Variants in VPS13B observed in about 807,000 individuals in gnomAD.
VPS13B encodes vacuolar protein sorting 13 homolog B, also known as intermembrane lipid transfer protein VPS13B.
Under a neutral mutation model 426.4 loss-of-function variants are expected in VPS13B, and 285 were observed. The observed-to-expected ratio is 0.67, with a 90% CI of 0.61 to 0.74. VPS13B has a LOEUF of 0.74. Among genes scored for constraint, VPS13B ranks in the 30% least tolerant of loss-of-function variants. The probability of loss-of-function intolerance (pLI) is 0.00; values close to 1 mark genes in which losing one functional copy is unlikely to be tolerated. For missense variants in VPS13B, 4,537 were observed against 4,782.6 expected, an observed-to-expected ratio of 0.95 and a Z score of 1.51; for synonymous variants, 1,676 against 1,676.4, an observed-to-expected ratio of 1.00 and a Z score of 0.01.
At chr8:99,211,243 T>C (rs1815073973) in intron 17 of VPS13B, among the ~76,000 whole-genome samples, 1 of 152,188 alleles carries the variant, frequency 6.6e-6, no homozygotes, top group African/African-American at 2.4e-5. Flanking sequence ...TGGCAGTCAC[T>C]CTACTTACAC....
At chr8:99,365,467 CATT>C (rs975415573) in intron 19 of VPS13B, among the ~76,000 whole-genome samples, 7 of 147,886 alleles carry the variant, frequency 4.7e-5, no homozygotes, top group African/African-American at 1.7e-4. Context: ...ATGCTGTTTC[CATT>C]ATTATTTGTT....
chr8:99,310,587 G>A (rs576108879), intron 19 of VPS13B, among the ~76,000 whole-genome samples: 76 of 152,298 alleles, frequency 5.0e-4, no homozygotes, highest in African/African-American at 1.8e-3. Context: ...GATTCGGTTT[G>A]CCAGTATTTT....
intron 19 of VPS13B, among the ~76,000 whole-genome samples, chr8:99,296,504 A>T (rs916757152): frequency 6.6e-6 from 1 of 152,166 alleles, no homozygotes; most frequent in East Asian, 1.9e-4. Flanking sequence ...ATTTGAATGA[A>T]TTTTTCTAGT....
At position 99,310,302 on chromosome 8, in the gene VPS13B, T is replaced by G. The variant is rs1820883415; in HGVS notation, c.2824+35048T>G. On this transcript the variant is annotated intron_variant, in intron 19 of 61. Transcript: ENST00000357162. ...GCTTCCAGTTTTTGCCCATTCAGTATGATATTGGCTGTGCATTTGTCATAA... is the reference window on the plus strand; with the variant it reads ...GCTTCCAGTTTTTGCCCATTCAGTAGGATATTGGCTGTGCATTTGTCATAA... 1.3e-5 allele frequency among the ~76,000 whole-genome samples: 2 copies of G among 152,348 alleles called. 1 individual carries two copies. Among genetic ancestry groups the G allele is most frequent in the South Asian group, 4.1e-4 (2 of 4,830 alleles).
chr8:99,588,172 T>G (rs1175277842), intron 33 of VPS13B, among the ~76,000 whole-genome samples: 1 of 151,718 alleles, frequency 6.6e-6, no homozygotes. Context: ...TTCTGTTCCA[T>G]TGGACTATCT....
chr8:99,610,549 G>A lies in VPS13B; in HGVS notation c.5221-31262G>A, dbSNP rs796935153. 2.4e-4 allele frequency among the ~76,000 whole-genome samples: 37 copies of A among 151,714 alleles called. 1 individual carries two copies. Among genetic ancestry groups the A allele is most frequent in the Middle Eastern group, 3.4e-3 (1 of 294 alleles). ...GGGAGTTGAACAATGAGAACACATG[G>A]ACTCGGGGAGGGGAACATCACACAC... On this transcript the variant is annotated intron_variant, in intron 33 of 61. Coordinates refer to ENST00000357162, the MANE Select transcript of VPS13B (RefSeq NM_152564.5).
chr8:99,853,950 G>A lies in VPS13B; in HGVS notation c.10561G>A (p.Asp3521Asn). The stretch of plus-strand genomic sequence containing the variant: ...TGTATACTACATCAAGACTTTGTTT[G>A]ACACCTACCTTCCTAACAGCAGGTT... ...TFVYYIKTLF[D>N]TYLPNSRLAG... Residue 3521 changes from aspartate to asparagine, a missense_variant, in exon 56 of 62, where the codon GAC (aspartate) becomes AAC (asparagine). Asp to Asn is a conservative substitution (Grantham distance 23). Coordinates refer to ENST00000357162, the MANE Select transcript of VPS13B (RefSeq NM_152564.5). 6.2e-7 allele frequency: 1 copy of A among 1,614,186 alleles called. No homozygotes were observed. The highest frequency in any genetic ancestry group is 8.5e-7 in the Non-Finnish European group (1 of 1,180,034).
rs576908922 is a variant in VPS13B at position 99,797,171 on chromosome 8, A to T, written c.7942-12204A>T. On this transcript the variant is annotated intron_variant, in intron 43 of 61. Coordinates refer to ENST00000357162, the MANE Select transcript of VPS13B (RefSeq NM_152564.5). ...AGAAAAAGAGGGCTTTGAATAAGGT[A>T]TTGTTTCCACAATATTTAATCCTGT... 3.3e-5 allele frequency: 5 copies of T among 152,308 alleles called. No homozygotes were observed. In the East Asian group the frequency reaches 9.6e-4, roughly 29 times the overall value. The allele number at this position is 152,308 out of a possible 1,614,324, so 9.4% of individuals were successfully genotyped here. A position where few individuals can be genotyped will look rare whatever the true frequency, so the allele number is the denominator to read the frequency against.
At chr8:99,742,212 C>A (rs1186213619) in intron 39 of VPS13B, among the ~76,000 whole-genome samples, 1 of 152,178 alleles carries the variant, frequency 6.6e-6, no homozygotes, top group Non-Finnish European at 1.5e-5. Flanking sequence ...CGCAAATAAA[C>A]TAGAAAATCT....
chr8:99,368,055 A>T (rs1360885220), intron 19 of VPS13B, among the ~76,000 whole-genome samples: 1 of 152,236 alleles, frequency 6.6e-6, no homozygotes, highest in Non-Finnish European at 1.5e-5. Flanking sequence ...AAAGAAAGAG[A>T]ACCAAGGGAA....
chr8:99,147,637 T>G (rs1287730245), intron 13 of VPS13B, among the ~76,000 whole-genome samples: 1 of 152,154 alleles, frequency 6.6e-6, no homozygotes, highest in Admixed American at 6.5e-5. Flanking sequence ...AACTGGTAAA[T>G]TTTTATATAA....
chr8:99,669,619 A>G (rs977901649), intron 35 of VPS13B, among the ~76,000 whole-genome samples: 2 of 152,144 alleles, frequency 1.3e-5, no homozygotes, highest in South Asian at 2.1e-4. Flanking sequence ...TATGGTGTCT[A>G]TATTTGAAAT....
chr8:99,449,991 G>C (rs1818108749), intron 23 of VPS13B, among the ~76,000 whole-genome samples: 1 of 152,028 alleles, frequency 6.6e-6, no homozygotes, highest in South Asian at 2.1e-4. Flanking sequence ...TTTTAGTAGA[G>C]ACGGGGTTTC....
chr8:99,288,225 T>C (rs1442864986), intron 19 of VPS13B, among the ~76,000 whole-genome samples: 1 of 152,028 alleles, frequency 6.6e-6, no homozygotes, highest in Non-Finnish European at 1.5e-5. Context: ...TACATATGAA[T>C]ATATGCATGC....
At chr8:99,527,327 T>C (rs1330775289) in intron 30 of VPS13B, among the ~76,000 whole-genome samples, 1 of 152,146 alleles carries the variant, frequency 6.6e-6, no homozygotes, top group African/African-American at 2.4e-5. Flanking sequence ...TCTGATCCAG[T>C]AGAAAACAAC....
At chr8:99,244,821 C>T (rs1453792465) in intron 17 of VPS13B, among the ~76,000 whole-genome samples, 1 of 152,112 alleles carries the variant, frequency 6.6e-6, no homozygotes, top group Admixed American at 6.5e-5. Flanking sequence ...GGAAGAAGGA[C>T]TATATTACAT....
At chr8:99,656,396 C>T (rs1342463692) in intron 34 of VPS13B, among the ~76,000 whole-genome samples, 4 of 152,132 alleles carry the variant, frequency 2.6e-5, no homozygotes, top group African/African-American at 9.7e-5. Context: ...TGAGAGATTC[C>T]TATGACTTGA....
chr8:99,078,091 C>G (rs572264907), intron 3 of VPS13B, among the ~76,000 whole-genome samples: 1 of 150,926 alleles, frequency 6.6e-6, no homozygotes, highest in African/African-American at 2.4e-5. Context: ...TTTTTTATAA[C>G]CTTGTATTAT....
chr8:99,623,483 T>C lies in VPS13B; in HGVS notation c.5221-18328T>C, dbSNP rs114721700. Reference sequence around the variant, plus strand: ...AGTTTTTTTGTTGTTGTTGTTGTTTTTTGTTTTTACTGGTATCTACCCAGT... The same window carrying C: ...AGTTTTTTTGTTGTTGTTGTTGTTTCTTGTTTTTACTGGTATCTACCCAGT... On this transcript the variant is annotated intron_variant, in intron 33 of 61. Transcript: ENST00000357162. 3.9e-3 allele frequency among the ~76,000 whole-genome samples: 594 copies of C among 152,320 alleles called. 6 individuals are homozygous for C. The highest frequency in any genetic ancestry group is 0.013 in the African/African-American group (529 of 41,572).
Sources: gnomAD v4.1 joint callset for allele counts (sites outside exome capture counted in the v4.1 genomes callset) on GRCh38, gnomAD v4.1.1 for gene constraint, MANE v1.5 for transcripts, NCBI Gene and HGNC (gene_info 2026-07-23, HGNC 2026-07-21) for gene names.